Variants in RBPJ observed in about 807,000 individuals in gnomAD.
The protein encoded by RBPJ is recombining binding protein suppressor of hairless.
Under a neutral mutation model 67.8 loss-of-function variants are expected in RBPJ, and 9 were observed. That is an observed-to-expected ratio of 0.13 (90% CI 0.08 to 0.23). RBPJ has a LOEUF of 0.23. RBPJ is among the 10% of genes least tolerant of loss of function. The pLI is 1.00. For missense variants in RBPJ, 305 were observed against 595.6 expected (o/e 0.51, Z 5.08); for synonymous variants, 198 against 203.3 (o/e 0.97, Z 0.22).
intron 1 of RBPJ, among the ~76,000 whole-genome samples, chr4:26,211,070 G>T (rs1305701834): frequency 6.6e-6 from 1 of 152,050 alleles, no homozygotes; most frequent in Non-Finnish European, 1.5e-5. Context: ...AAAGCTAGAA[G>T]GGTCATTGGT....
chr4:26,135,652 A>G, the RBPJ span, among the ~76,000 whole-genome samples: 1 of 152,174 alleles, frequency 6.6e-6, no homozygotes, highest in African/African-American at 2.4e-5. Context: ...TGTTTGGCAG[A>G]AACCTAAAAG....
At chr4:26,155,175 A>C in the RBPJ span, among the ~76,000 whole-genome samples, 1 of 152,252 alleles carries the variant, frequency 6.6e-6, no homozygotes, top group Non-Finnish European at 1.5e-5. Context: ...GTATGCATTA[A>C]TCCCAACCAT....
chr4:26,177,949 A>G (rs1716854671), intron 1 of RBPJ, among the ~76,000 whole-genome samples: 1 of 152,206 alleles, frequency 6.6e-6, no homozygotes, highest in African/African-American at 2.4e-5. Flanking sequence ...ACAAATCATA[A>G]ACACTTCCCT....
chr4:26,176,547 C>T (rs1716800664), intron 1 of RBPJ, among the ~76,000 whole-genome samples: 2 of 152,198 alleles, frequency 1.3e-5, no homozygotes, highest in Admixed American at 1.3e-4. Flanking sequence ...TATCACCGTG[C>T]TTGCTAACTA....
chr4:26,360,961 A>C (rs1727991737), intron 1 of RBPJ, among the ~76,000 whole-genome samples: 1 of 150,594 alleles, frequency 6.6e-6, no homozygotes, highest in African/African-American at 2.4e-5. Flanking sequence ...GTGCAACTAG[A>C]TAAAATAAAG....
intron 1 of RBPJ, among the ~76,000 whole-genome samples, chr4:26,370,516 C>G (rs1323496313): frequency 6.6e-6 from 1 of 152,116 alleles, no homozygotes; most frequent in East Asian, 1.9e-4. Flanking sequence ...TTAGACTCAA[C>G]AAAACTACAT....
chr4:26,374,800 A>G (rs1456113452), intron 1 of RBPJ, among the ~76,000 whole-genome samples: 3 of 152,188 alleles, frequency 2.0e-5, no homozygotes, highest in Non-Finnish European at 4.4e-5. Context: ...AGTGTCCATA[A>G]TTGAAATGCA....
chr4:26,106,550 G>A, the RBPJ span, among the ~76,000 whole-genome samples: 1 of 152,178 alleles, frequency 6.6e-6, no homozygotes, highest in African/African-American at 2.4e-5. Context: ...CTTCCTGATT[G>A]TGGCTCGGAT....
chr4:26,150,192 A>T, the RBPJ span, among the ~76,000 whole-genome samples: 2 of 152,238 alleles, frequency 1.3e-5, no homozygotes, highest in African/African-American at 4.8e-5. Context: ...ATGGTAAATT[A>T]TCTAGTGATA....
At chr4:26,140,832 C>CATAAATAA in the RBPJ span, among the ~76,000 whole-genome samples, 51 of 40,642 alleles carry the variant, frequency 1.3e-3, no homozygotes, top group African/African-American at 4.5e-3. Flanking sequence ...CTGACCCTTC[C>CATAAATAA]ACAAATAAAT....
chr4:26,215,712 C>A (rs769942461), intron 1 of RBPJ, among the ~76,000 whole-genome samples: 2 of 152,024 alleles, frequency 1.3e-5, no homozygotes, highest in East Asian at 1.9e-4. Flanking sequence ...CGCTAGGGAC[C>A]CTCCTCAAAG....
intron 1 of RBPJ, among the ~76,000 whole-genome samples, chr4:26,338,577 CTT>C (rs34060445): frequency 8.0e-5 from 11 of 137,530 alleles, no homozygotes; most frequent in Non-Finnish European, 9.4e-5. Context: ...TAGGCTCTAA[CTT>C]TTTTTTTTTT....
intron 1 of RBPJ, among the ~76,000 whole-genome samples, chr4:26,225,850 G>A (rs987825663): frequency 7.1e-4 from 108 of 151,752 alleles, no homozygotes; most frequent in African/African-American, 2.3e-3. Flanking sequence ...CTAAATAGGG[G>A]GAAAAAAAAG....
chr4:26,337,541 T>A (rs917043355), intron 1 of RBPJ, among the ~76,000 whole-genome samples: 3 of 151,970 alleles, frequency 2.0e-5, no homozygotes, highest in African/African-American at 4.8e-5. Flanking sequence ...TTTTTTTTTT[T>A]ATACTGCTGC....
chr4:26,233,099 C>CT (rs2109207662), intron 1 of RBPJ, among the ~76,000 whole-genome samples: 1 of 152,288 alleles, frequency 6.6e-6, no homozygotes, highest in African/African-American at 2.4e-5. Flanking sequence ...AACACAACCT[C>CT]TTTTTTCTAT....
At chr4:26,151,786 A>G in the RBPJ span, among the ~76,000 whole-genome samples, 1 of 152,222 alleles carries the variant, frequency 6.6e-6, no homozygotes, top group South Asian at 2.1e-4. Context: ...GCCCATCTCC[A>G]AAGGAGGCCT....
chr4:26,262,842 A>T (rs1720583498), intron 1 of RBPJ, among the ~76,000 whole-genome samples: 1 of 151,958 alleles, frequency 6.6e-6, no homozygotes, highest in Non-Finnish European at 1.5e-5. Context: ...TTTTCCCCAA[A>T]CTTGCTTGTC....
chr4:26,410,085 A>T, intron 3 of RBPJ: 2 of 453,938 alleles, frequency 4.4e-6, no homozygotes, highest in South Asian at 3.1e-5. Context: ...AGCCCTCTGG[A>T]TGTCTGTCAA....
intron 1 of RBPJ, among the ~76,000 whole-genome samples, chr4:26,286,873 G>A (rs1401458572): frequency 6.7e-6 from 1 of 149,216 alleles, no homozygotes; most frequent in Non-Finnish European, 1.5e-5. Flanking sequence ...TGCAGCCTCC[G>A]CCTCCTGGGT....
Sources: allele counts gnomAD v4.1 joint callset (sites outside exome capture counted in the v4.1 genomes callset), GRCh38; gene constraint gnomAD v4.1.1; transcripts MANE v1.5; gene names NCBI Gene and HGNC (gene_info 2026-07-23, HGNC 2026-07-21).